Variants in PLSCR2 observed in about 807,000 individuals in gnomAD.
PLSCR2 encodes PL scramblase 2.
PLSCR2 carries 18 observed loss-of-function variants against 25.3 expected under a neutral mutation model. That is an observed-to-expected ratio of 0.71 (90% CI 0.49 to 1.06). The LOEUF is 1.06. PLSCR2 is among the 50% of genes least tolerant of loss of function. PLSCR2 has a pLI of 0.00. For synonymous variants in PLSCR2, 88 were observed against 87.3 expected (o/e 1.01, Z -0.04); for missense variants, 243 against 269.5 (o/e 0.90, Z 0.69).
At chr3:146,426,814 A>C (rs1187489780) in intron 2 of PLSCR2, among the ~76,000 whole-genome samples, 1 of 152,194 alleles carries the variant, frequency 6.6e-6, no homozygotes, top group Non-Finnish European at 1.5e-5. Flanking sequence ...GGTAGTAAAA[A>C]TCTAGTATTC....
At chr3:146,459,600 G>T (rs886529605) in intron 2 of PLSCR2, among the ~76,000 whole-genome samples, 1 of 152,062 alleles carries the variant, frequency 6.6e-6, no homozygotes, top group African/African-American at 2.4e-5. Context: ...GTTTACTTTG[G>T]ACTATTATCA....
At chr3:146,409,977 A>T (rs1320844886) in intron 2 of PLSCR2, among the ~76,000 whole-genome samples, 4 of 152,116 alleles carry the variant, frequency 2.6e-5, no homozygotes, top group African/African-American at 4.8e-5. Flanking sequence ...CCAGCCCAAG[A>T]TCTCCTGGGT....
At chr3:146,493,816 A>C (rs2043647010) in intron 1 of PLSCR2, among the ~76,000 whole-genome samples, 1 of 126,464 alleles carries the variant, frequency 7.9e-6, no homozygotes, top group Non-Finnish European at 1.6e-5. Flanking sequence ...TTGCAAGTGT[A>C]AAAACTTTGA....
At chr3:146,461,053 A>C (rs956291154), upstream of PLSCR2, among the ~76,000 whole-genome samples, 6 of 152,352 alleles carry the variant, frequency 3.9e-5, no homozygotes, top group East Asian at 9.6e-4. Flanking sequence ...AAAAATTCTA[A>C]AGTAGCAGAA....
At chr3:146,448,037 C>T (rs7629192) in intron 6 of PLSCR2, among the ~76,000 whole-genome samples, 3,477 of 152,254 alleles carry the variant, frequency 0.023, 123 homozygotes, top group African/African-American at 0.079. Flanking sequence ...TCTCTCTCCA[C>T]CAGAAAGCCA....
intron 1 of PLSCR2, among the ~76,000 whole-genome samples, chr3:146,466,902 G>A (rs754958673): frequency 3.3e-5 from 5 of 152,106 alleles, no homozygotes; most frequent in Non-Finnish European, 7.4e-5. Context: ...TATCTTTAAG[G>A]TATCTTTCTT....
intron 1 of PLSCR2, among the ~76,000 whole-genome samples, chr3:146,493,414 A>G (rs1310657504): frequency 6.6e-6 from 1 of 152,194 alleles, no homozygotes; most frequent in East Asian, 1.9e-4. Context: ...CCAGTAGCAC[A>G]TCAAAAAGCT....
In PLSCR2 at chr3:146,490,580, T is replaced by TTGTTCAA. The variant is rs879442410; in HGVS notation, c.-293+5314_-293+5315insTTGAACA. ...ACATATATTTAGGATAGTTAAGTCT[T>TTGTTCAA]TTTGTTGAATTGAACACTTTCTTGT... On this transcript the variant is annotated intron_variant, in intron 1 of 8. Transcript: ENST00000336685. Among the ~76,000 whole-genome samples the TTGTTCAA allele has an allele frequency of 6.7e-3, 1,019 of 152,264 alleles. 13 individuals are homozygous for TTGTTCAA. Among genetic ancestry groups the TTGTTCAA allele is most frequent in the African/African-American group, 0.023 (973 of 41,558 alleles).
intron 2 of PLSCR2, among the ~76,000 whole-genome samples, chr3:146,411,971 T>C (rs2038868296): frequency 7.5e-6 from 1 of 133,522 alleles, no homozygotes; most frequent in East Asian, 2.3e-4. Flanking sequence ...CATTCTTAGA[T>C]GTGCTAGGAG....
At chr3:146,472,471 G>T (rs899468153) in intron 1 of PLSCR2, among the ~76,000 whole-genome samples, 1 of 152,144 alleles carries the variant, frequency 6.6e-6, no homozygotes, top group African/African-American at 2.4e-5. Context: ...AGTCCTGGAG[G>T]CTGACAAATC....
At chr3:146,424,678 A>G (rs182634842) in intron 2 of PLSCR2, among the ~76,000 whole-genome samples, 3 of 152,134 alleles carry the variant, frequency 2.0e-5, no homozygotes, top group Non-Finnish European at 4.4e-5. Context: ...TAAACAATTC[A>G]TAAGTTTTAA....
intron 2 of PLSCR2, among the ~76,000 whole-genome samples, chr3:146,417,054 G>A (rs1361935805): frequency 6.6e-6 from 1 of 152,128 alleles, no homozygotes; most frequent in Non-Finnish European, 1.5e-5. Flanking sequence ...GGTTTGAGTA[G>A]ATCTCTGTCT....
At chr3:146,479,801 T>C (rs1056063555) in intron 1 of PLSCR2, among the ~76,000 whole-genome samples, 2 of 152,128 alleles carry the variant, frequency 1.3e-5, no homozygotes, top group Non-Finnish European at 2.9e-5. Context: ...CAGCACCACA[T>C]TGCACTTATT....
chr3:146,411,560 A>G (rs2038851673), intron 2 of PLSCR2, among the ~76,000 whole-genome samples: 1 of 152,214 alleles, frequency 6.6e-6, no homozygotes, highest in Non-Finnish European at 1.5e-5. Context: ...CTGGAGCAAG[A>G]CCGGCTCTTG....
chr3:146,402,293 A>T (rs956584860), intron 2 of PLSCR2, among the ~76,000 whole-genome samples: 1 of 152,188 alleles, frequency 6.6e-6, no homozygotes, highest in Non-Finnish European at 1.5e-5. Context: ...AATCATGTGG[A>T]CAGTAATTAA....
At chr3:146,495,318 A>T (rs994523455) in intron 1 of PLSCR2, among the ~76,000 whole-genome samples, 1 of 152,162 alleles carries the variant, frequency 6.6e-6, no homozygotes, top group Non-Finnish European at 1.5e-5. Context: ...ATCCTAGGCA[A>T]TGTCTCTAAA....
rs1469510833 is a variant in PLSCR2, at chr3:146,480,492, A to T, written c.-293+15403T>A. ...AAAATAAACTAGAAAATCTAGAAGA[A>T]ATGGATAAATTCCTGGACACATACA... On this transcript the variant is annotated intron_variant, in intron 1 of 8. Transcript: ENST00000336685. Among the ~76,000 whole-genome samples, 4 of 152,228 alleles carry T rather than the reference A, an allele frequency of 2.6e-5. No homozygotes were observed. In the East Asian group the frequency reaches 7.7e-4, roughly 29 times the overall value.
chr3:146,411,505 T>C (rs1484736659), intron 2 of PLSCR2, among the ~76,000 whole-genome samples: 20 of 152,184 alleles, frequency 1.3e-4, no homozygotes, highest in Admixed American at 1.3e-3. Context: ...CTGAAAATTC[T>C]TAGGTGGCGC....
intron 1 of PLSCR2, among the ~76,000 whole-genome samples, chr3:146,483,473 ACATG>A (rs2043217417): frequency 6.6e-5 from 3 of 45,216 alleles, no homozygotes; most frequent in African/African-American, 3.4e-4. Flanking sequence ...ATATATATAT[ACATG>A]TGTATATATA....
Sources: gnomAD v4.1 joint callset for allele counts (sites outside exome capture counted in the v4.1 genomes callset) on GRCh38, gnomAD v4.1.1 for gene constraint, MANE v1.5 for transcripts, NCBI Gene and HGNC (gene_info 2026-07-23, HGNC 2026-07-21) for gene names.